The following AUTS2 variants were observed in gnomAD, a reference collection of about 807,000 sequenced individuals.
AUTS2 encodes autism susceptibility gene 2 protein.
AUTS2 carries 17 observed loss-of-function variants against 112.4 expected under a neutral mutation model. The ratio of observed to expected loss-of-function variants is 0.15; its 90% CI spans 0.10 to 0.23. The LOEUF is 0.23. Ranked by LOEUF, AUTS2 falls within the 10% of genes least tolerant of loss-of-function variation. The probability of loss-of-function intolerance (pLI) is 1.00; values close to 1 mark genes in which losing one functional copy is unlikely to be tolerated. For missense variants in AUTS2, 1,510 were observed against 1,701.6 expected (o/e 0.89, Z 1.98); for synonymous variants, 751 against 702.7 (o/e 1.07, Z -1.09).
intron 5 of AUTS2, among the ~76,000 whole-genome samples, chr7:70,519,635 G>A (rs1177983607): frequency 1.3e-5 from 2 of 152,120 alleles, no homozygotes; most frequent in South Asian, 2.1e-4. Context: ...AAATAGCTTC[G>A]TATCTCATAT....
Position 69,671,434 on chromosome 7 carries a change from T to TA in AUTS2, c.309+71479dup, listed in dbSNP as rs567487401. Among the ~76,000 whole-genome samples the TA allele has an allele frequency of 2.7e-5, 4 of 150,586 alleles. No homozygotes were observed. The East Asian group carries it at 7.9e-4, about 30-fold the overall frequency. The stretch of plus-strand genomic sequence containing the variant: ...ACTATAAGGTGATACTTAGGTATTA[T>TA]AAAAAAAGTGAACAGGGATCAGCAC... On this transcript the variant is annotated intron_variant, in intron 1 of 18. Coordinates refer to ENST00000342771, the MANE Select transcript of AUTS2 (RefSeq NM_015570.4).
intron 4 of AUTS2, among the ~76,000 whole-genome samples, chr7:70,403,220 A>G (rs1794398907): frequency 6.6e-6 from 1 of 152,244 alleles, no homozygotes; most frequent in Non-Finnish European, 1.5e-5. Context: ...CACAAAATGA[A>G]TAAAAGACAA....
At chr7:69,874,714 A>C (rs1793652285) in intron 1 of AUTS2, among the ~76,000 whole-genome samples, 2 of 151,998 alleles carry the variant, frequency 1.3e-5, no homozygotes, top group Non-Finnish European at 2.9e-5. Flanking sequence ...GCTGGAGTGC[A>C]GTGACGCGAT....
At chr7:70,450,666 G>A (rs1324475956) in intron 5 of AUTS2, among the ~76,000 whole-genome samples, 2 of 152,152 alleles carry the variant, frequency 1.3e-5, no homozygotes, top group African/African-American at 4.8e-5. Context: ...TTATGTAGGT[G>A]AATGACACAT....
chr7:70,782,595 C>T (rs1791162960), intron 15 of AUTS2: 1 of 152,194 alleles, frequency 6.6e-6, no homozygotes, highest in African/African-American at 2.4e-5. Context: ...ATTTCTGGCA[C>T]ACAGAGCTCA....
At chr7:70,647,856 T>G (rs549251349) in intron 5 of AUTS2, among the ~76,000 whole-genome samples, 45 of 152,324 alleles carry the variant, frequency 3.0e-4, no homozygotes, top group South Asian at 2.3e-3. Context: ...GACCATCCAG[T>G]GTGCTCTGGC....
At chr7:69,867,433 T>C (rs1793285211) in intron 1 of AUTS2, among the ~76,000 whole-genome samples, 1 of 152,208 alleles carries the variant, frequency 6.6e-6, no homozygotes, top group Non-Finnish European at 1.5e-5. Flanking sequence ...ACAAGGGAGT[T>C]GTTTTATGTT....
intron 5 of AUTS2, among the ~76,000 whole-genome samples, chr7:70,507,966 T>A (rs1799035818): frequency 6.6e-6 from 1 of 152,142 alleles, no homozygotes; most frequent in Non-Finnish European, 1.5e-5. Flanking sequence ...ATTTTTTAGG[T>A]GTTGACTACT....
intron 3 of AUTS2, among the ~76,000 whole-genome samples, chr7:70,123,793 T>C (rs1805816093): frequency 6.6e-6 from 1 of 152,212 alleles, no homozygotes; most frequent in African/African-American, 2.4e-5. Context: ...CTATTGTGAG[T>C]AGTGCTGCAG....
intron 2 of AUTS2, among the ~76,000 whole-genome samples, chr7:69,901,349 G>A (rs1363678408): frequency 1.3e-5 from 2 of 152,010 alleles, no homozygotes; most frequent in Non-Finnish European, 2.9e-5. Flanking sequence ...CCAAGCTGCG[G>A]ATCCTCATCC....
intron 4 of AUTS2, among the ~76,000 whole-genome samples, chr7:70,198,576 G>C (rs1810315877): frequency 8.2e-6 from 1 of 122,356 alleles, no homozygotes; most frequent in South Asian, 3.2e-4. Context: ...CGATCAACTG[G>C]AAGAAAGGGT....
At chr7:70,391,142 A>G (rs1184056470) in intron 4 of AUTS2, among the ~76,000 whole-genome samples, 3 of 152,346 alleles carry the variant, frequency 2.0e-5, no homozygotes, top group South Asian at 4.1e-4. Flanking sequence ...CCCTGGTATC[A>G]GTACCTTCTT....
intron 1 of AUTS2, among the ~76,000 whole-genome samples, chr7:69,866,386 C>T (rs751648451): frequency 1.3e-5 from 2 of 152,144 alleles, no homozygotes; most frequent in Non-Finnish European, 2.9e-5. Context: ...TAAAGCCCAG[C>T]TTGGATGCCT....
At chr7:70,332,117 C>A (rs1053113702) in intron 4 of AUTS2, among the ~76,000 whole-genome samples, 1 of 152,202 alleles carries the variant, frequency 6.6e-6, no homozygotes, top group Non-Finnish European at 1.5e-5. Context: ...AGCAAAATCC[C>A]AGGATACAAA....
chr7:70,773,075 TGGA>T (rs149501278), intron 11 of AUTS2, among the ~76,000 whole-genome samples: 33 of 152,388 alleles, frequency 2.2e-4, no homozygotes, highest in African/African-American at 7.2e-4. Context: ...AGTTCATTAG[TGGA>T]GTTCTTCATA....
rs558077738 is a variant in AUTS2, at chr7:70,536,796, A to T, written c.690+101015A>T. On this transcript the variant is annotated intron_variant, in intron 5 of 18. Transcript: ENST00000342771. ...ATGCTTGTAATCCTAGCTACTTGGG[A>T]GGCTGAGGCAGGTGAATCGCTTGAA... 2.6e-5 allele frequency among the ~76,000 whole-genome samples: 4 copies of T among 152,168 alleles called. No homozygotes were observed. The East Asian group carries it at 7.7e-4, about 29-fold the overall frequency.
At chr7:69,873,090 G>A (rs1286547709) in intron 1 of AUTS2, among the ~76,000 whole-genome samples, 3 of 151,786 alleles carry the variant, frequency 2.0e-5, no homozygotes, top group African/African-American at 7.3e-5. Context: ...TGATCCGCCC[G>A]CCTCAGCCTC....
chr7:70,057,051 AT>A (rs1802025703), intron 2 of AUTS2, among the ~76,000 whole-genome samples: 1 of 151,836 alleles, frequency 6.6e-6, no homozygotes, highest in Non-Finnish European at 1.5e-5. Context: ...CATGATTTGG[AT>A]TTTTTTCCAG....
At chr7:70,222,761 AGAG>A (rs1167911977) in intron 4 of AUTS2, among the ~76,000 whole-genome samples, 4 of 152,184 alleles carry the variant, frequency 2.6e-5, no homozygotes, top group African/African-American at 4.8e-5. Flanking sequence ...GTATACAGTA[AGAG>A]GAGAACTGGC....
Sources: allele counts gnomAD v4.1 joint callset (sites outside exome capture counted in the v4.1 genomes callset), GRCh38; gene constraint gnomAD v4.1.1; transcripts MANE v1.5; gene names NCBI Gene and HGNC (gene_info 2026-07-23, HGNC 2026-07-21).